The following SPTLC3 variants were observed in gnomAD, a reference collection of about 807,000 sequenced individuals.
SPTLC3 encodes the protein serine palmitoyltransferase long chain base subunit 3.
A neutral mutation model predicts 59.3 loss-of-function variants in SPTLC3; 36 were observed. That is an observed-to-expected ratio of 0.61 (90% confidence interval 0.47 to 0.80). The LOEUF is 0.80. SPTLC3 is among the 30% of genes least tolerant of loss of function. SPTLC3 has a pLI of 0.00. For missense variants in SPTLC3, 625 were observed against 685.1 expected (o/e 0.91, Z 0.98); for synonymous variants, 257 against 240.8 (o/e 1.07, Z -0.62).
chr20:13,043,120 T>C (rs552368173), intron 1 of SPTLC3, among the ~76,000 whole-genome samples: 1 of 152,330 alleles, frequency 6.6e-6, no homozygotes, highest in South Asian at 2.1e-4. Flanking sequence ...AACACCAGTA[T>C]CCTTGGAAGT....
intron 9 of SPTLC3, among the ~76,000 whole-genome samples, chr20:13,129,294 G>C (rs76402218): frequency 0.018 from 2,800 of 152,284 alleles, 54 homozygotes; most frequent in South Asian, 0.03. Flanking sequence ...GAGCCACTGT[G>C]CCTGTCTTAA....
intron 1 of SPTLC3, among the ~76,000 whole-genome samples, chr20:13,044,995 CCACACACACA>C (rs5840546): frequency 0.22 from 30,509 of 141,236 alleles, 3,492 homozygotes; most frequent in East Asian, 0.42. Flanking sequence ...TGTGTCCCCA[CCACACACACA>C]CACACACACA....
chr20:13,099,650 G>A (rs1389404171), intron 6 of SPTLC3, among the ~76,000 whole-genome samples: 2 of 152,196 alleles, frequency 1.3e-5, no homozygotes, highest in African/African-American at 4.8e-5. Context: ...TTTCTTGAGA[G>A]GTGAGGGAAG....
intron 1 of SPTLC3, among the ~76,000 whole-genome samples, chr20:13,027,759 A>G (rs1412003761): frequency 6.6e-6 from 1 of 152,092 alleles, no homozygotes; most frequent in African/African-American, 2.4e-5. Context: ...TTAAAAATCC[A>G]TGCGATTCTA....
intron 3 of SPTLC3, chr20:13,074,094 C>A: frequency 1.5e-6 from 1 of 667,378 alleles, no homozygotes; most frequent in South Asian, 1.4e-5. Context: ...GCTGTTCATC[C>A]TTTTCCAGCT....
chr20:13,009,139 C>T lies in SPTLC3; in HGVS notation c.-129C>T. On this transcript the variant is annotated 5_prime_UTR_variant, in exon 1 of 12. Coordinates refer to ENST00000399002, the MANE Select transcript of SPTLC3 (RefSeq NM_018327.4). ...GGCTGTTGCTCTTCTTCTGGAAAAGCCTGATTGGTAAGATTCCTTTAAGGG... is the reference window on the plus strand; with the variant it reads ...GGCTGTTGCTCTTCTTCTGGAAAAGTCTGATTGGTAAGATTCCTTTAAGGG... 2.9e-6 allele frequency: 2 copies of T among 698,102 alleles called. No individual in the cohort carries two copies. The highest frequency in any genetic ancestry group is 2.5e-5 in the East Asian group (1 of 39,244). 43.2% of individuals were successfully genotyped at this position (698,102 alleles called of 1,614,324 possible).
At chr20:13,138,602 G>C (rs191619208) in intron 9 of SPTLC3, among the ~76,000 whole-genome samples, 6 of 152,322 alleles carry the variant, frequency 3.9e-5, no homozygotes, top group Admixed American at 3.9e-4. Flanking sequence ...TTTCTGACAA[G>C]CTTGGGATCT....
At chr20:13,046,344 T>C (rs983600652) in intron 1 of SPTLC3, among the ~76,000 whole-genome samples, 5 of 152,220 alleles carry the variant, frequency 3.3e-5, no homozygotes, top group Non-Finnish European at 7.3e-5. Flanking sequence ...CAAATTAGCA[T>C]GTTCTGTACA....
At chr20:13,138,399 T>C (rs189494250) in intron 9 of SPTLC3, among the ~76,000 whole-genome samples, 16 of 152,326 alleles carry the variant, frequency 1.1e-4, no homozygotes, top group Admixed American at 6.5e-4. Flanking sequence ...TTCTAAGCCC[T>C]ATCTTGATGG....
intron 6 of SPTLC3, among the ~76,000 whole-genome samples, chr20:13,106,547 G>A (rs544368409): frequency 1.6e-4 from 24 of 152,322 alleles, no homozygotes; most frequent in African/African-American, 5.5e-4. Context: ...AGGAGGCTGT[G>A]TGTTGGGGGA....
At chr20:13,010,949 CA>C (rs1985208670) in intron 1 of SPTLC3, among the ~76,000 whole-genome samples, 1 of 152,126 alleles carries the variant, frequency 6.6e-6, no homozygotes, top group Non-Finnish European at 1.5e-5. Flanking sequence ...AGTGCAGCTG[CA>C]AGACTGTAAA....
At chr20:13,033,309 T>C (rs1208957268) in intron 1 of SPTLC3, among the ~76,000 whole-genome samples, 2 of 152,166 alleles carry the variant, frequency 1.3e-5, no homozygotes, top group Non-Finnish European at 2.9e-5. Flanking sequence ...TTTATTTCTA[T>C]TCATAATAAA....
intron 1 of SPTLC3, among the ~76,000 whole-genome samples, 166 bp from the exon 2 acceptor site, chr20:13,048,779 T>C (rs1410244602): frequency 6.6e-6 from 1 of 152,202 alleles, no homozygotes; most frequent in Non-Finnish European, 1.5e-5. Context: ...GCTTGTAAAA[T>C]AAAGTTTGCA....
chr20:13,140,176 A>G (rs974581160), intron 9 of SPTLC3, among the ~76,000 whole-genome samples: 2 of 152,192 alleles, frequency 1.3e-5, no homozygotes, highest in African/African-American at 4.8e-5. Context: ...TACAGACATT[A>G]AGGACTTTTT....
In SPTLC3 at chr20:13,014,226, G is replaced by A. The variant is rs188919789; in HGVS notation, c.117+4842G>A. ...GAGGCTGCAAAGTCACATTGAAAAAGGTTGTAAGGGATTGGAGAGATTATT... is the reference window on the plus strand; with the variant it reads ...GAGGCTGCAAAGTCACATTGAAAAAAGTTGTAAGGGATTGGAGAGATTATT... On this transcript the variant is annotated intron_variant, in intron 1 of 11. Coordinates refer to ENST00000399002, the MANE Select transcript of SPTLC3 (RefSeq NM_018327.4). Among the ~76,000 whole-genome samples the A allele has an allele frequency of 2.6e-4, 40 of 152,330 alleles. 2 individuals carry two copies. The East Asian group carries it at 6.2e-3, about 24-fold the overall frequency.
rs114552297 is a variant in SPTLC3 at position 13,031,687 on chromosome 20, C to T, written c.118-17258C>T. On this transcript the variant is annotated intron_variant, in intron 1 of 11. Coordinates refer to ENST00000399002, the MANE Select transcript of SPTLC3 (RefSeq NM_018327.4). ...GTAAGACACTACCCAAGTGATCTTT[C>T]CCATGCCCAACACAGGTACACGCAC... 1.4e-3 allele frequency among the ~76,000 whole-genome samples: 218 copies of T among 152,236 alleles called. 1 individual carries two copies. The highest frequency in any genetic ancestry group is 5.0e-3 in the African/African-American group (209 of 41,550).
chr20:13,126,522 A>G (rs982048583), intron 8 of SPTLC3, 69 bp from the exon 9 acceptor site: 13 of 1,571,996 alleles, frequency 8.3e-6, no homozygotes, highest in African/African-American at 4.0e-5. Flanking sequence ...GGATGGGACT[A>G]GATGTAATTC....
intron 2 of SPTLC3, among the ~76,000 whole-genome samples, chr20:13,059,154 C>CAGAG (rs1987847339): frequency 6.6e-6 from 1 of 152,152 alleles, no homozygotes; most frequent in Admixed American, 6.5e-5. Flanking sequence ...CATATCTCCC[C>CAGAG]TTTAATCTCA....
intron 9 of SPTLC3, among the ~76,000 whole-genome samples, chr20:13,153,622 TG>T (rs1379437167): frequency 6.6e-6 from 1 of 152,054 alleles, no homozygotes; most frequent in African/African-American, 2.4e-5. Context: ...CTATGAAGTG[TG>T]GGGGGTGGGG....
Sources: gnomAD v4.1 joint callset for allele counts (sites outside exome capture counted in the v4.1 genomes callset) on GRCh38, gnomAD v4.1.1 for gene constraint, MANE v1.5 for transcripts, NCBI Gene and HGNC (gene_info 2026-07-23, HGNC 2026-07-21) for gene names.